The following POLR2B variants were observed in gnomAD, a reference collection of about 807,000 sequenced individuals.
POLR2B encodes RNA polymerase II subunit B.
POLR2B carries 57 observed loss-of-function variants against 144.6 expected under a neutral mutation model. The ratio of observed to expected loss-of-function variants is 0.39; its 90% CI spans 0.32 to 0.49. The LOEUF (loss-of-function observed/expected upper bound fraction) is 0.49. POLR2B is among the 20% of genes least tolerant of loss of function. The pLI is 0.83. For synonymous variants in POLR2B, 442 were observed against 469.8 expected (o/e 0.94, Z 0.77); for missense variants, 595 against 1,467.4 (o/e 0.41, Z 9.71).
intron 3 of POLR2B, among the ~76,000 whole-genome samples, chr4:56,993,532 A>G (rs866412654): frequency 6.6e-6 from 1 of 151,808 alleles, no homozygotes; most frequent in Non-Finnish European, 1.5e-5. Flanking sequence ...ACGTCTGCTT[A>G]CTCCTGTTTT....
intron 1 of POLR2B, among the ~76,000 whole-genome samples, chr4:56,985,973 C>G (rs925251942): frequency 6.6e-6 from 1 of 152,196 alleles, no homozygotes; most frequent in Non-Finnish European, 1.5e-5. Flanking sequence ...CATACCTGTA[C>G]ATGTATGAAA....
In POLR2B at chr4:57,005,840, A is replaced by G. The variant is rs1050523840; in HGVS notation, c.1217+121A>G. On this transcript the variant is annotated intron_variant, in intron 9 of 24. Transcript: ENST00000314595. ...ACGTTGGGTACTTATGAAATTAGCT[A>G]CATTCTTATTGCTATTTGCTCAGAT... is the stretch of plus-strand genomic sequence containing the variant. The G allele has an allele frequency of 3.3e-5, 28 of 839,838 alleles. No homozygotes were observed. The African/African-American group carries it at 4.0e-4, about 12-fold the overall frequency. The allele number at this position is 839,838 out of a possible 1,614,324, so 52.0% of individuals were successfully genotyped here. A position where few individuals can be genotyped will look rare whatever the true frequency, so the allele number is the denominator to read the frequency against.
At chr4:56,996,458 G>A (rs1310344980) in intron 6 of POLR2B, among the ~76,000 whole-genome samples, 1 of 148,488 alleles carries the variant, frequency 6.7e-6, no homozygotes, top group African/African-American at 2.5e-5. Context: ...TTTTTTTTTT[G>A]TATTTTTAGT....
At position 56,995,229 on chromosome 4, in the gene POLR2B, A is replaced by G. The variant is rs951370028; in HGVS notation, c.577-22A>G. The G allele has an allele frequency of 1.9e-6, 3 of 1,572,318 alleles. No homozygotes were observed. In the Admixed American group the frequency reaches 5.3e-5, roughly 28 times the overall value. On this transcript the variant is annotated intron_variant, in intron 5 of 24. Transcript: ENST00000314595. ...GTGATGTTTTGGATTTTATGGCTGT[A>G]ACTTTCTTATTGTCCAAATAGGTTC...
chr4:56,994,661 T>C lies in POLR2B; in HGVS notation c.371T>C (p.Leu124Pro). Reference protein sequence around the residue: ...RLRNLTYSAPLYVDITKTVIK... With the variant: ...RLRNLTYSAPPYVDITKTVIK... ...TATTTTCAAAGGTATTCTGCTCCGC[T>C]TTATGTTGATATAACAAAAACAGTC... Residue 124 changes from leucine to proline, a missense_variant, in exon 5 of 25, where the codon CTT becomes CCT. Transcript: ENST00000314595. 1.2e-6 allele frequency: 2 copies of C among 1,609,414 alleles called. No homozygotes were observed. The highest frequency in any genetic ancestry group is 1.7e-6 in the Non-Finnish European group (2 of 1,175,756).
At chr4:57,011,131 T>A in intron 13 of POLR2B, 31 bp downstream of exon 13, 9 of 1,391,696 alleles carry the variant, frequency 6.5e-6, no homozygotes, top group Non-Finnish European at 9.2e-6. Context: ...GGGTGTGGAC[T>A]GTGAGATTTT....
intron 6 of POLR2B, among the ~76,000 whole-genome samples, chr4:56,997,334 C>T (rs1167223673): frequency 6.6e-6 from 1 of 151,762 alleles, no homozygotes; most frequent in Non-Finnish European, 1.5e-5. Flanking sequence ...TCTGGGCTCA[C>T]TGCAACCACC....
At chr4:56,988,069 A>G (rs1463900717) in intron 2 of POLR2B, among the ~76,000 whole-genome samples, 1 of 151,836 alleles carries the variant, frequency 6.6e-6, no homozygotes, top group Non-Finnish European at 1.5e-5. Context: ...CTAAAAATAA[A>G]TAATTAAAAA....
rs775044026 is a variant in POLR2B at position 57,023,787 on chromosome 4, T to C, written c.2856+36T>C. ...TTGATCTCCCTCATGCCCAAACCAG[T>C]TTTGTTAAATATTTTTTTTTTAATC... On this transcript the variant is annotated intron_variant, in intron 20 of 24. Coordinates refer to ENST00000314595, the MANE Select transcript of POLR2B (RefSeq NM_000938.3). This position sits in a 1 kb window ranked among gnomAD's most constrained non-coding sequence, Gnocchi z 4.3. 3.5e-5 allele frequency: 47 copies of C among 1,347,468 alleles called. No homozygotes were observed. The highest frequency in any genetic ancestry group is 4.9e-5 in the Non-Finnish European group (47 of 967,218). 83.5% of individuals were successfully genotyped at this position (1,347,468 alleles called of 1,614,324 possible).
At chr4:56,991,851 G>A (rs1156269848) in intron 3 of POLR2B, among the ~76,000 whole-genome samples, 1 of 152,070 alleles carries the variant, frequency 6.6e-6, no homozygotes. Flanking sequence ...TAGAGATGGT[G>A]TTTCACATGT....
chr4:57,030,696 T>C (rs1432463585), intron 24 of POLR2B: 2 of 562,762 alleles, frequency 3.6e-6, no homozygotes, highest in Non-Finnish European at 6.3e-6. Flanking sequence ...TGGGTGAATA[T>C]AAATTATGTC....
intron 6 of POLR2B, among the ~76,000 whole-genome samples, chr4:56,996,274 A>ATG (rs1447493379): frequency 1.1e-5 from 1 of 86,984 alleles, no homozygotes; most frequent in Non-Finnish European, 2.3e-5. Context: ...ATATATATAT[A>ATG]TATATTTTTT....
chr4:57,020,235 T>A (rs1723497794), intron 16 of POLR2B, among the ~76,000 whole-genome samples: 1 of 152,130 alleles, frequency 6.6e-6, no homozygotes, highest in African/African-American at 2.4e-5. Flanking sequence ...GGTTTCACCA[T>A]GTTGGCCAGG....
Position 56,978,975 on chromosome 4 carries a change from C to T in POLR2B, c.-11C>T, listed in dbSNP as rs1238089366. 3.7e-6 allele frequency: 6 copies of T among 1,613,480 alleles called. No individual in the cohort carries two copies. Among genetic ancestry groups the T allele is most frequent in the African/African-American group, 1.3e-5 (1 of 74,900 alleles). On this transcript the variant is annotated 5_prime_UTR_variant, in exon 1 of 25. Coordinates refer to ENST00000314595, the MANE Select transcript of POLR2B (RefSeq NM_000938.3). ...TTTCAAGAGTTAGGAGCTCGAGAAC[C>T]GTTTGGCAATATGTACGACGCGGAT...
chr4:56,979,955 C>T (rs1722104870), intron 1 of POLR2B, among the ~76,000 whole-genome samples: 1 of 151,882 alleles, frequency 6.6e-6, no homozygotes, highest in African/African-American at 2.4e-5. Context: ...CCGCCTTTTC[C>T]ATTCTCCATA....
chr4:57,002,885 G>A (rs921581581), intron 7 of POLR2B: 1 of 152,068 alleles, frequency 6.6e-6, no homozygotes, highest in African/African-American at 2.4e-5. Flanking sequence ...GAAATCAAGG[G>A]CAAGAAAGGC....
chr4:57,015,702 A>C (rs746176395), intron 14 of POLR2B, 46 bp downstream of exon 14: 1 of 833,354 alleles, frequency 1.2e-6, no homozygotes, highest in South Asian at 3.2e-5. Context: ...AAATTGAGAT[A>C]GAATTTACAT....
At position 57,010,897 on chromosome 4, in the gene POLR2B, G is replaced by T. The variant is rs1392309302; in HGVS notation, c.1688+10G>T. 6.2e-7 allele frequency: 1 copy of T among 1,604,056 alleles called. No individual in the cohort carries two copies. Among genetic ancestry groups the T allele is most frequent in the Non-Finnish European group, 8.5e-7 (1 of 1,171,430 alleles). Reference sequence around the variant, plus strand: ...CTGCAGCTATTGCTGAGTGTGTATAGATGGAATTAGTTTTTTAAACTATAG... The same window carrying T: ...CTGCAGCTATTGCTGAGTGTGTATATATGGAATTAGTTTTTTAAACTATAG... On this transcript the variant is annotated intron_variant, in intron 12 of 24. Transcript: ENST00000314595.
intron 6 of POLR2B, among the ~76,000 whole-genome samples, chr4:56,996,205 C>CTTGTGTGTGTGTGTGTGTGT: frequency 2.4e-5 from 1 of 41,166 alleles, no homozygotes; most frequent in South Asian, 1.6e-3. Context: ...TATTTCAGTT[C>CTTGTGTGTGTGTGTGTGTGT]ATGTGTGTGT....
Sources: gnomAD v4.1 joint callset for allele counts (sites outside exome capture counted in the v4.1 genomes callset) on GRCh38, gnomAD v4.1.1 for gene constraint, Gnocchi (gnomAD v3.1) non-coding constraint, MANE v1.5 for transcripts, NCBI Gene and HGNC (gene_info 2026-07-23, HGNC 2026-07-21) for gene names.